RASAL2: variants seen among roughly 807,000 people sequenced by gnomAD.
RASAL2 encodes RAS protein activator like 2, also known as ras GTPase-activating protein nGAP.
A neutral mutation model predicts 128.9 loss-of-function variants in RASAL2; 58 were observed. The observed-to-expected ratio is 0.45, with a 90% CI of 0.36 to 0.56. The LOEUF (loss-of-function observed/expected upper bound fraction) is 0.56. Among genes scored for constraint, RASAL2 ranks in the 20% least tolerant of loss-of-function variants. RASAL2 has a pLI of 0.00. For synonymous variants in RASAL2, 561 were observed against 580.8 expected, an observed-to-expected ratio of 0.97 and a Z score of 0.49; for missense variants, 1,360 against 1,601.6, an observed-to-expected ratio of 0.85 and a Z score of 2.57.
chr1:178,277,147 CAA>C (rs61384367), intron 1 of RASAL2, among the ~76,000 whole-genome samples: 113 of 55,110 alleles, frequency 2.1e-3, no homozygotes, highest in African/African-American at 7.2e-3. Flanking sequence ...GATTCCCTCT[CAA>C]AAAAAAAAAA....
intron 1 of RASAL2, among the ~76,000 whole-genome samples, chr1:178,140,089 G>A (rs952220946): frequency 1.1e-4 from 16 of 152,136 alleles, no homozygotes; most frequent in African/African-American, 3.9e-4. Flanking sequence ...CAGATTGGAA[G>A]TTTAAAATTT....
chr1:178,312,046 A>T (rs2102305368), intron 3 of RASAL2, among the ~76,000 whole-genome samples: 1 of 152,248 alleles, frequency 6.6e-6, no homozygotes, highest in South Asian at 2.1e-4. Context: ...AATTGAGAAA[A>T]TAGAAAGTGG....
intron 1 of RASAL2, among the ~76,000 whole-genome samples, chr1:178,111,420 T>G (rs1308570844): frequency 2.0e-5 from 3 of 152,198 alleles, no homozygotes; most frequent in Admixed American, 6.5e-5. Flanking sequence ...TGTTTAATAT[T>G]TTAAGAAACT....
chr1:178,174,645 A>T (rs747209997), intron 1 of RASAL2, among the ~76,000 whole-genome samples: 1 of 152,150 alleles, frequency 6.6e-6, no homozygotes, highest in Non-Finnish European at 1.5e-5. Flanking sequence ...ATGAGTTATT[A>T]TTAGGTCAGT....
rs11325242 is a variant in RASAL2 at position 178,148,190 on chromosome 1, C to CT, written c.202+53508dup. ...AGTGTTCATTTATTTTCTTTGCTCA[C>CT]TTTTTTTTTTTTGAAAGGGGGCTTA... On this transcript the variant is annotated intron_variant, in intron 1 of 17. Coordinates refer to ENST00000367649, the MANE Select transcript of RASAL2 (RefSeq NM_170692.4). Among the ~76,000 whole-genome samples, 174 of 144,922 alleles carry CT rather than the reference C, an allele frequency of 1.2e-3. 1 individual carries two copies. In the East Asian group the frequency reaches 0.023, roughly 19 times the overall value.
At chr1:178,430,875 TAAG>T (rs1016728336) in intron 5 of RASAL2, among the ~76,000 whole-genome samples, 1 of 127,350 alleles carries the variant, frequency 7.9e-6, no homozygotes, top group East Asian at 2.2e-4. Flanking sequence ...GCTGACAAAA[TAAG>T]AAAGAAGGGA....
At chr1:178,356,465 A>G (rs1670816934) in intron 3 of RASAL2, among the ~76,000 whole-genome samples, 1 of 152,226 alleles carries the variant, frequency 6.6e-6, no homozygotes, top group African/African-American at 2.4e-5. Flanking sequence ...GAAAAAAATC[A>G]GTAAAATGAG....
intron 9 of RASAL2, among the ~76,000 whole-genome samples, chr1:178,449,608 C>T (rs1277978247): frequency 6.6e-6 from 1 of 151,564 alleles, no homozygotes; most frequent in Non-Finnish European, 1.5e-5. Flanking sequence ...GTTTTTTAAT[C>T]TGTGTTGGTA....
At chr1:178,384,336 C>A (rs999788230) in intron 3 of RASAL2, among the ~76,000 whole-genome samples, 1 of 152,076 alleles carries the variant, frequency 6.6e-6, no homozygotes, top group Admixed American at 6.6e-5. Context: ...AAATATCTTT[C>A]TACATTTTAT....
chr1:178,179,672 T>C (rs1235516090), intron 1 of RASAL2, among the ~76,000 whole-genome samples: 1 of 152,174 alleles, frequency 6.6e-6, no homozygotes, highest in African/African-American at 2.4e-5. Flanking sequence ...CGGCTGTGTT[T>C]TTGTCACTTT....
Position 178,362,312 on chromosome 1 carries a change from A to G in RASAL2, c.458-27788A>G, listed in dbSNP as rs562167110. Among the ~76,000 whole-genome samples, 4 of 152,284 alleles carry G rather than the reference A, an allele frequency of 2.6e-5. No homozygotes were observed. In the East Asian group the frequency reaches 7.7e-4, roughly 29 times the overall value. On this transcript the variant is annotated intron_variant, in intron 3 of 17. Transcript: ENST00000367649. ...ATGTCTGTAGGAGGTCCTGGAACCA[A>G]TCCCCCATGGATACCGAGAGATTAC... is the stretch of plus-strand genomic sequence containing the variant.
At chr1:178,228,440 G>A (rs976258443) in intron 1 of RASAL2, among the ~76,000 whole-genome samples, 4 of 152,022 alleles carry the variant, frequency 2.6e-5, no homozygotes, top group South Asian at 2.1e-4. Context: ...AAAATTAGCC[G>A]GGTGTGGTGG....
At position 178,242,313 on chromosome 1, in the gene RASAL2, C is replaced by T. The variant is rs1285217321; in HGVS notation, c.203-41251C>T. Among the ~76,000 whole-genome samples, 5 of 152,096 alleles carry T rather than the reference C, an allele frequency of 3.3e-5. No homozygotes were observed. In the East Asian group the frequency reaches 9.7e-4, roughly 29 times the overall value. On this transcript the variant is annotated intron_variant, in intron 1 of 17. Transcript: ENST00000367649. The stretch of plus-strand genomic sequence containing the variant: ...ACGTTCCCATATTTCTGCTTCCTTC[C>T]TGATACTCTTAATATTTTAGCATAT...
intron 4 of RASAL2, 125 bp from the exon 5 acceptor site, chr1:178,420,386 C>T (rs756963596): frequency 2.0e-5 from 11 of 548,808 alleles, no homozygotes; most frequent in East Asian, 3.2e-5. Flanking sequence ...AATTAAAAAG[C>T]TTAAAAGCTA....
chr1:178,327,581 G>T (rs1463485096), intron 3 of RASAL2, among the ~76,000 whole-genome samples: 1 of 151,868 alleles, frequency 6.6e-6, no homozygotes, highest in Admixed American at 6.6e-5. Context: ...CAAATTCCTG[G>T]GCTCAAGCAA....
At chr1:178,416,161 G>A (rs567725825) in intron 4 of RASAL2, among the ~76,000 whole-genome samples, 9 of 152,010 alleles carry the variant, frequency 5.9e-5, no homozygotes, top group East Asian at 1.9e-4. Flanking sequence ...ATAACCTTTC[G>A]TGATTGTAAT....
intron 1 of RASAL2, among the ~76,000 whole-genome samples, chr1:178,158,737 A>C (rs996223559): frequency 6.6e-6 from 1 of 152,202 alleles, no homozygotes; most frequent in African/African-American, 2.4e-5. Flanking sequence ...TTCTTCCCTT[A>C]TAATTCAAAT....
chr1:178,134,013 T>G (rs1373482037), intron 1 of RASAL2, among the ~76,000 whole-genome samples: 1 of 152,188 alleles, frequency 6.6e-6, no homozygotes, highest in Admixed American at 6.5e-5. Flanking sequence ...TACTTAAATT[T>G]TTTATCTATT....
intron 1 of RASAL2, among the ~76,000 whole-genome samples, chr1:178,240,527 C>A (rs1664452735): frequency 6.6e-6 from 1 of 151,074 alleles, no homozygotes; most frequent in Admixed American, 6.6e-5. Flanking sequence ...GATGTTTTAT[C>A]CAAAAGCAAA....
Sources: gnomAD v4.1 joint callset for allele counts (sites outside exome capture counted in the v4.1 genomes callset) on GRCh38, gnomAD v4.1.1 for gene constraint, MANE v1.5 for transcripts, NCBI Gene and HGNC (gene_info 2026-07-23, HGNC 2026-07-21) for gene names.